PLAUR: variants seen among roughly 807,000 people sequenced by gnomAD.
PLAUR encodes the protein urokinase plasminogen activator surface receptor.
Under a neutral mutation model 33.4 loss-of-function variants are expected in PLAUR, and 22 were observed. That is an observed-to-expected ratio of 0.66 (90% confidence interval 0.47 to 0.94). PLAUR has a LOEUF of 0.94. Ranked by LOEUF, PLAUR falls within the 40% of genes least tolerant of loss-of-function variation. The pLI, the probability that PLAUR is intolerant of heterozygous loss-of-function variation, is 0.00. For synonymous variants in PLAUR, 148 were observed against 167.3 expected, an observed-to-expected ratio of 0.88 and a Z score of 0.89; for missense variants, 408 against 434.7, an observed-to-expected ratio of 0.94 and a Z score of 0.55.
chr19:43,658,984 C>T (rs1376159155), intron 3 of PLAUR, among the ~76,000 whole-genome samples: 4 of 151,906 alleles, frequency 2.6e-5, no homozygotes, highest in Non-Finnish European at 5.9e-5. Context: ...TTCAATTTCA[C>T]CTCCTCTAGG....
In PLAUR at chr19:43,658,761, C is replaced by G. The variant is rs568688648; in HGVS notation, c.311-2121G>C. On this transcript the variant is annotated intron_variant, in intron 3 of 6. Transcript: ENST00000340093. ...CAGCCAAGGTTCTCAACTGGCAGGC[C>G]GCTAGCTGTAATTAGGCGAATCATT... Among the ~76,000 whole-genome samples, 4 of 152,250 alleles carry G rather than the reference C, an allele frequency of 2.6e-5. No individual in the cohort carries two copies. The South Asian group carries it at 8.3e-4, about 32-fold the overall frequency.
At chr19:43,651,329 G>A (rs1297440960) in intron 6 of PLAUR, among the ~76,000 whole-genome samples, 1 of 151,994 alleles carries the variant, frequency 6.6e-6, no homozygotes. Context: ...TACCCACCTC[G>A]GCCTCCCAAA....
At chr19:43,648,352 T>G (rs751663214), downstream of PLAUR, among the ~76,000 whole-genome samples, 1 of 152,104 alleles carries the variant, frequency 6.6e-6, no homozygotes, top group Non-Finnish European at 1.5e-5. Flanking sequence ...TAGCCGATTT[T>G]TAATCAAGAG....
intron 6 of PLAUR, among the ~76,000 whole-genome samples, chr19:43,650,568 C>T (rs542734379): frequency 3.4e-4 from 51 of 150,866 alleles, no homozygotes; most frequent in African/African-American, 1.0e-3. Context: ...TTAAGTGACC[C>T]GCCCACCTTG....
intron 2 of PLAUR, chr19:43,667,188 C>A: frequency 4.9e-6 from 1 of 205,644 alleles, no homozygotes. Flanking sequence ...CAGCCTGTTT[C>A]CAATTTTCCA....
At chr19:43,662,023 T>G (rs1967019572) in intron 3 of PLAUR, among the ~76,000 whole-genome samples, 1 of 152,074 alleles carries the variant, frequency 6.6e-6, no homozygotes, top group Non-Finnish European at 1.5e-5. Flanking sequence ...TGAGCCACTG[T>G]GCCTAGCCTG....
At chr19:43,662,926 A>C (rs2146265732) in intron 3 of PLAUR, among the ~76,000 whole-genome samples, 1 of 152,146 alleles carries the variant, frequency 6.6e-6, no homozygotes, top group Admixed American at 6.5e-5. Flanking sequence ...GCTGGTCTGA[A>C]ACAATCCTCC....
At position 43,648,943 on chromosome 19, in the gene PLAUR, T is replaced by C. The variant is rs1297581990; in HGVS notation, c.955A>G (p.Ile319Val). The stretch of plus-strand genomic sequence containing the variant: ...AGTCTGGCAGTCATTAGCAGGGTGA[T>C]GGTGAGGCTGAGATGGGCAGGGCCA... ...QPGPAHLSLT[I>V]TLLMTARLWG... The change falls in exon 7 of 7, where the codon ATC becomes GTC. Residue 319 changes from isoleucine to valine, a missense_variant. By Grantham distance (29) the Ile-to-Val change is conservative. Transcript: ENST00000340093. The C allele has an allele frequency of 6.2e-7, 1 of 1,614,092 alleles. No homozygotes were observed. Among genetic ancestry groups the C allele is most frequent in the Admixed American group, 1.7e-5 (1 of 60,012 alleles).
intron 1 of PLAUR, among the ~76,000 whole-genome samples, chr19:43,669,536 G>A (rs2146301340): frequency 6.6e-6 from 1 of 152,304 alleles, no homozygotes; most frequent in Admixed American, 6.5e-5. Flanking sequence ...CTTGGGCCGG[G>A]CGCGGTGGCT....
In PLAUR at chr19:43,659,167, C is replaced by CTTTTTTTCTTT. The variant is rs1555780395; in HGVS notation, c.311-2528_311-2527insAAAGAAAAAAA. ...GCTATTTTCCTTTTTCTTTTCTTTT[C>CTTTTTTTCTTT]TTTTTTTTTTTTTTTGAGATAGGGT... On this transcript the variant is annotated intron_variant, in intron 3 of 6. Transcript: ENST00000340093. Among the ~76,000 whole-genome samples the CTTTTTTTCTTT allele has an allele frequency of 1.8e-4, 17 of 97,140 alleles. 1 individual carries two copies. Among genetic ancestry groups the CTTTTTTTCTTT allele is most frequent in the South Asian group, 7.1e-4 (2 of 2,820 alleles). 63.7% of individuals were successfully genotyped at this position (97,140 alleles called of 152,430 possible).
intron 1 of PLAUR, 77 bp from the exon 2 acceptor site, chr19:43,667,768 A>T (rs1282448337): frequency 1.3e-6 from 2 of 1,554,352 alleles, no homozygotes; most frequent in Non-Finnish European, 8.7e-7. Context: ...TGCATGTCCC[A>T]ATACCAACAC....
downstream of PLAUR, chr19:43,646,460 T>C: frequency 2.8e-6 from 2 of 718,330 alleles, no homozygotes. Context: ...ATGGCATTTA[T>C]ACATGAGTAG....
chr19:43,649,226 A>G, intron 6 of PLAUR, 83 bp from the exon 7 acceptor site: 2 of 1,467,720 alleles, frequency 1.4e-6, no homozygotes, highest in Non-Finnish European at 1.9e-6. Flanking sequence ...GCCACCTTGC[A>G]GTGGGTGCCA....
At chr19:43,654,013 A>T (rs555133980) in intron 5 of PLAUR, among the ~76,000 whole-genome samples, 343 of 150,242 alleles carry the variant, frequency 2.3e-3, no homozygotes, top group Admixed American at 4.4e-3. Context: ...AGTCCCAGCC[A>T]CTCGGGAGGC....
At chr19:43,669,578 G>A (rs1967430083) in intron 1 of PLAUR, among the ~76,000 whole-genome samples, 1 of 152,096 alleles carries the variant, frequency 6.6e-6, no homozygotes, top group Non-Finnish European at 1.5e-5. Context: ...TTGGGAGGCC[G>A]AGGCAGGTGG....
At chr19:43,649,279 G>C in intron 6 of PLAUR, 136 bp from the exon 7 acceptor site, 1 of 975,056 alleles carries the variant, frequency 1.0e-6, no homozygotes, top group Non-Finnish European at 1.5e-6. Flanking sequence ...TCAGGGCCAG[G>C]TGTGGTGGCT....
intron 4 of PLAUR, 56 bp from the exon 5 acceptor site, chr19:43,655,629 T>C: frequency 1.0e-5 from 16 of 1,544,292 alleles, no homozygotes; most frequent in Non-Finnish European, 8.8e-7. Flanking sequence ...GGGACTAAGA[T>C]GGGATTTGCC....
intron 3 of PLAUR, 57 bp from the exon 4 acceptor site, chr19:43,656,697 G>C: frequency 1.4e-6 from 2 of 1,415,822 alleles, no homozygotes; most frequent in Non-Finnish European, 1.9e-6. Context: ...TGGAGCCCCA[G>C]CTCTGCAAGG....
chr19:43,652,268 GCAGT>G lies in PLAUR; in HGVS notation c.707_710del (p.Asp236AlafsTer5), dbSNP rs1974026551. On this transcript the variant is annotated frameshift_variant, in exon 6 of 7. Transcript: ENST00000340093. LOFTEE classifies it low-confidence loss of function (END_TRUNC). Reference sequence around the variant, plus strand: ...CCAGACATTGATTCATGGGGCCTCGGCAGTCAATGAGGAAAGTCTCTTCAGAGGA... The same window carrying G: ...CCAGACATTGATTCATGGGGCCTCGGCAATGAGGAAAGTCTCTTCAGAGGA... 6.2e-7 allele frequency: 1 copy of G among 1,614,088 alleles called. No individual in the cohort carries two copies. Among genetic ancestry groups the G allele is most frequent in the Non-Finnish European group, 8.5e-7 (1 of 1,179,962 alleles).
Sources: allele counts gnomAD v4.1 joint callset (sites outside exome capture counted in the v4.1 genomes callset), GRCh38; gene constraint gnomAD v4.1.1; transcripts MANE v1.5; gene names NCBI Gene and HGNC (gene_info 2026-07-23, HGNC 2026-07-21).